The following CSNK1G2 variants were observed in gnomAD, a reference collection of about 807,000 sequenced individuals.
The protein encoded by CSNK1G2 is casein kinase I isoform gamma-2.
In CSNK1G2, 11 loss-of-function variants were observed where a neutral mutation model predicts 48.0. The ratio of observed to expected loss-of-function variants is 0.23; its 90% CI spans 0.14 to 0.38. The LOEUF (loss-of-function observed/expected upper bound fraction) is 0.38. Ranked by LOEUF, CSNK1G2 falls within the 10% of genes least tolerant of loss-of-function variation. CSNK1G2 has a pLI of 1.00. For missense variants in CSNK1G2, 446 were observed against 595.5 expected (o/e 0.75, Z 2.61); for synonymous variants, 337 against 254.1 (o/e 1.33, Z -3.10).
intron 1 of CSNK1G2, among the ~76,000 whole-genome samples, chr19:1,958,535 C>G (rs2015077249): frequency 7.3e-6 from 1 of 136,232 alleles, no homozygotes. Context: ...TCCCCTGTCC[C>G]TCCGTCCCCC....
In CSNK1G2 at chr19:1,978,517, G is replaced by C. The variant is rs998579549; in HGVS notation, c.298+6G>C. On this transcript the variant is annotated splice_donor_region_variant and intron_variant, in intron 4 of 11. Transcript: ENST00000255641. This position sits in a 1 kb window ranked among gnomAD's most constrained non-coding sequence, Gnocchi z 7.3. Reference sequence around the variant, plus strand: ...CAAGCAGCTCAGCGCCACAGGTACCGGGCGGCCCGCGGGTGGGGCGGGGGC... The same window carrying C: ...CAAGCAGCTCAGCGCCACAGGTACCCGGCGGCCCGCGGGTGGGGCGGGGGC... The C allele has an allele frequency of 1.1e-5, 17 of 1,578,092 alleles. No homozygotes were observed. The highest frequency in any genetic ancestry group is 1.3e-5 in the African/African-American group (1 of 74,292).
chr19:1,951,322 G>T (rs1377316642), intron 1 of CSNK1G2, among the ~76,000 whole-genome samples: 4 of 144,788 alleles, frequency 2.8e-5, no homozygotes, highest in Non-Finnish European at 6.0e-5. Context: ...AGAATGGCGT[G>T]AACCCGGGAG....
At chr19:1,963,885 T>A (rs1466333515) in intron 1 of CSNK1G2, among the ~76,000 whole-genome samples, 1 of 149,356 alleles carries the variant, frequency 6.7e-6, no homozygotes, top group Non-Finnish European at 1.5e-5. Flanking sequence ...GGCACGATCT[T>A]GGCTCACTGC....
chr19:1,976,741 CTTT>C (rs34862138), intron 2 of CSNK1G2, among the ~76,000 whole-genome samples: 17 of 144,218 alleles, frequency 1.2e-4, no homozygotes, highest in Non-Finnish European at 1.1e-4. Context: ...TTCTTGCTTT[CTTT>C]TTTTTTTTTT....
intron 1 of CSNK1G2, among the ~76,000 whole-genome samples, chr19:1,969,173 C>G (rs564830622): frequency 7.9e-4 from 121 of 152,302 alleles, no homozygotes; most frequent in African/African-American, 2.8e-3. Context: ...CTCAGGGCTT[C>G]TACCCGGGAT....
In CSNK1G2 at chr19:1,979,958, C is replaced by A; in HGVS notation, c.1134C>A (p.Ala378=). The stretch of plus-strand genomic sequence containing the variant: ...AGCTGAATGCGGACGACCCCACGGC[C>A]GGCCACTCCAACGCCCCGATCACAG... The part of the protein sequence containing the change: ...NGELNADDPT[A]GHSNAPITAP... The change falls in exon 11 of 12, where the codon GCC becomes GCA. Residue 378 remains alanine, a synonymous_variant. Transcript: ENST00000255641. The A allele has an allele frequency of 6.3e-7, 1 of 1,597,570 alleles. No individual in the cohort carries two copies. The highest frequency in any genetic ancestry group is 1.3e-5 in the African/African-American group (1 of 74,746).
chr19:1,958,539 G>A (rs1397777969), intron 1 of CSNK1G2, among the ~76,000 whole-genome samples: 11 of 123,156 alleles, frequency 8.9e-5, no homozygotes, highest in East Asian at 4.8e-4. Context: ...CTGTCCCTCC[G>A]TCCCCCCGTC....
intron 2 of CSNK1G2, chr19:1,975,266 A>T: frequency 3.0e-6 from 3 of 985,472 alleles, no homozygotes; most frequent in Non-Finnish European, 3.6e-6. Context: ...CAGCTGGATG[A>T]TACATCGACA....
At position 1,970,232 on chromosome 19, in the gene CSNK1G2, C is replaced by T. The variant is rs139581483; in HGVS notation, c.187+273C>T. Among the ~76,000 whole-genome samples the T allele has an allele frequency of 6.8e-4, 104 of 152,366 alleles. 1 individual carries two copies. The East Asian group carries it at 0.017, about 25-fold the overall frequency. ...AGGTGGCCCAGAGCAGGCCAGGCCA[C>T]GCCGCAAGGAGCCCGATGTTAAGTT... On this transcript the variant is annotated intron_variant, in intron 2 of 11. Transcript: ENST00000255641.
At chr19:1,966,132 G>T (rs994781171) in intron 1 of CSNK1G2, among the ~76,000 whole-genome samples, 1 of 152,192 alleles carries the variant, frequency 6.6e-6, no homozygotes, top group Non-Finnish European at 1.5e-5. Context: ...CATTTGTAAG[G>T]CTCTAGGTGC....
At position 1,951,072 on chromosome 19, in the gene CSNK1G2, G is replaced by T. The variant is rs868813700; in HGVS notation, c.-266+9654G>T. Among the ~76,000 whole-genome samples the T allele has an allele frequency of 3.4e-5, 5 of 145,552 alleles. 1 individual carries two copies. The highest frequency in any genetic ancestry group is 3.4e-3 in the Middle Eastern group (1 of 290). ...AGGTGAGAGGAGACGCCGTGTGCCTGGGGAGGCAACACTTTCTACCGTTTG... is the reference window on the plus strand; with the variant it reads ...AGGTGAGAGGAGACGCCGTGTGCCTTGGGAGGCAACACTTTCTACCGTTTG... On this transcript the variant is annotated intron_variant, in intron 1 of 11. Transcript: ENST00000255641.
At chr19:1,975,414 A>G (rs992314224) in intron 2 of CSNK1G2, 1 of 985,352 alleles carries the variant, frequency 1.0e-6, no homozygotes, top group Non-Finnish European at 1.2e-6. Context: ...GAAGAGCTAC[A>G]CAGCCGTGTT....
intron 2 of CSNK1G2, among the ~76,000 whole-genome samples, chr19:1,972,624 G>GT (rs1189062004): frequency 2.6e-5 from 4 of 152,056 alleles, no homozygotes; most frequent in Non-Finnish European, 5.9e-5. Context: ...GCTTTGCTTT[G>GT]TTTTGTTTTG....
Position 1,941,188 on chromosome 19 carries a change from A to G in CSNK1G2, c.-496A>G, listed in dbSNP as rs1002341148. 1 of 146,042 alleles carries G rather than the reference A, an allele frequency of 6.8e-6. No individual in the cohort carries two copies. The highest frequency in any genetic ancestry group is 1.5e-5 in the Non-Finnish European group (1 of 65,760). 9.0% of individuals were successfully genotyped at this position (146,042 alleles called of 1,614,324 possible). On this transcript the variant is annotated 5_prime_UTR_variant, in exon 1 of 12. Coordinates refer to ENST00000255641, the MANE Select transcript of CSNK1G2 (RefSeq NM_001319.7). ...CCCGCTGGCAGACGCTGGCGGCGTAAGGCGCGCGGGCCCCGGAGCGGGCGC... is the reference window on the plus strand; with the variant it reads ...CCCGCTGGCAGACGCTGGCGGCGTAGGGCGCGCGGGCCCCGGAGCGGGCGC...
intron 2 of CSNK1G2, among the ~76,000 whole-genome samples, chr19:1,976,643 T>C (rs1172967442): frequency 6.6e-6 from 1 of 152,038 alleles, no homozygotes; most frequent in African/African-American, 2.4e-5. Context: ...GGACTTTGAA[T>C]CCACCTTAGC....
chr19:1,944,249 G>C (rs931586880), intron 1 of CSNK1G2, among the ~76,000 whole-genome samples: 3 of 152,154 alleles, frequency 2.0e-5, no homozygotes, highest in African/African-American at 7.2e-5. Context: ...GCAGCCACAC[G>C]AGAGAACCTG....
chr19:1,948,538 A>C (rs2396362), intron 1 of CSNK1G2, among the ~76,000 whole-genome samples: 13 of 104,990 alleles, frequency 1.2e-4, no homozygotes, highest in African/African-American at 4.0e-4. Flanking sequence ...AAAAAAAAAA[A>C]ACGCAAAAAA....
intron 1 of CSNK1G2, among the ~76,000 whole-genome samples, chr19:1,960,868 G>A (rs1363333969): frequency 6.6e-6 from 1 of 152,156 alleles, no homozygotes; most frequent in African/African-American, 2.4e-5. Context: ...CAGCCTGGGC[G>A]ACAGAGCGAG....
chr19:1,981,075 G>A lies in CSNK1G2; in HGVS notation c.*872G>A, dbSNP rs1415306593. ...CCCGGCAAGCAGCCGGAGACAAAAC[G>A]CCTTAAAGCCCCCGGCCCAGCCCTG... On this transcript the variant is annotated 3_prime_UTR_variant, in exon 12 of 12. Coordinates refer to ENST00000255641, the MANE Select transcript of CSNK1G2 (RefSeq NM_001319.7). 6.6e-6 allele frequency: 1 copy of A among 152,102 alleles called. No individual in the cohort carries two copies. The highest frequency in any genetic ancestry group is 1.5e-5 in the Non-Finnish European group (1 of 68,034). 9.4% of individuals were successfully genotyped at this position (152,102 alleles called of 1,614,324 possible).
Sources: allele counts gnomAD v4.1 joint callset (sites outside exome capture counted in the v4.1 genomes callset), GRCh38; gene constraint gnomAD v4.1.1; non-coding constraint Gnocchi (gnomAD v3.1); transcripts MANE v1.5; gene names NCBI Gene and HGNC (gene_info 2026-07-23, HGNC 2026-07-21).